The following CDH10 variants were observed in gnomAD, a reference collection of about 807,000 sequenced individuals.
CDH10 encodes the protein cadherin-10.
In CDH10, 30 loss-of-function variants were observed where a neutral mutation model predicts 73.1. That is an observed-to-expected ratio of 0.41 (90% confidence interval 0.31 to 0.56). The LOEUF is 0.56. Ranked by LOEUF, CDH10 falls within the 20% of genes least tolerant of loss-of-function variation. The pLI, the probability that CDH10 is intolerant of heterozygous loss-of-function variation, is 0.27. For synonymous variants in CDH10, 345 were observed against 348.2 expected (o/e 0.99, Z 0.10); for missense variants, 815 against 973.7 (o/e 0.84, Z 2.17).
At chr5:24,643,631 T>A (rs1309414412) in intron 1 of CDH10, among the ~76,000 whole-genome samples, 1 of 152,078 alleles carries the variant, frequency 6.6e-6, no homozygotes, top group South Asian at 2.1e-4. Context: ...AATGAAGGAA[T>A]GAAGGACCAC....
chr5:24,569,766 CTT>C (rs112375331), intron 2 of CDH10, among the ~76,000 whole-genome samples: 6 of 142,290 alleles, frequency 4.2e-5, no homozygotes, highest in East Asian at 2.0e-4. Context: ...CAAATGTGTG[CTT>C]TTTTTTTTTT....
intron 1 of CDH10, among the ~76,000 whole-genome samples, chr5:24,598,707 T>C (rs1746458218): frequency 6.6e-6 from 1 of 152,062 alleles, no homozygotes. Flanking sequence ...ATTGCTAGGA[T>C]TGTTATCAAT....
Position 24,593,294 on chromosome 5 carries a change from T to A in CDH10, c.197A>T (p.Glu66Val). ...GTACTGATAATCAGATCCTGTATAT[T>A]CTTCAAGTAAGAAAAATTGATTCCA... Reference protein sequence around the residue: ...WMWNQFFLLEEYTGSDYQYVG... With the variant: ...WMWNQFFLLEVYTGSDYQYVG... The change falls in exon 2 of 12, where the codon GAA becomes GTA. Residue 66 changes from glutamate (E) to valine (V), a missense_variant. Glu to Val is a moderately radical substitution (Grantham distance 121). Transcript: ENST00000264463. The A allele has an allele frequency of 1.9e-6, 3 of 1,611,146 alleles. No homozygotes were observed. The highest frequency in any genetic ancestry group is 2.5e-6 in the Non-Finnish European group (3 of 1,177,504).
chr5:24,520,507 C>T (rs1425096245), intron 5 of CDH10, among the ~76,000 whole-genome samples: 1 of 152,134 alleles, frequency 6.6e-6, no homozygotes, highest in South Asian at 2.1e-4. Flanking sequence ...TCCCCAACTC[C>T]GTCCCTTTCT....
intron 1 of CDH10, among the ~76,000 whole-genome samples, chr5:24,604,980 C>G (rs932424747): frequency 6.6e-6 from 1 of 151,354 alleles, no homozygotes; most frequent in African/African-American, 2.4e-5. Context: ...TTTTTTCATA[C>G]TGTATAAAGA....
intron 11 of CDH10, among the ~76,000 whole-genome samples, chr5:24,489,534 A>C (rs1195178718): frequency 6.6e-6 from 1 of 152,140 alleles, no homozygotes; most frequent in Non-Finnish European, 1.5e-5. Flanking sequence ...CAGATTATTT[A>C]TCATCAACCA....
chr5:24,545,941 A>T (rs1332654629), intron 2 of CDH10, among the ~76,000 whole-genome samples: 1 of 152,154 alleles, frequency 6.6e-6, no homozygotes, highest in Admixed American at 6.5e-5. Flanking sequence ...ACAATATTTG[A>T]AGGTCTGTGC....
intron 1 of CDH10, among the ~76,000 whole-genome samples, chr5:24,622,391 C>G (rs1747348698): frequency 6.6e-6 from 1 of 152,106 alleles, no homozygotes; most frequent in African/African-American, 2.4e-5. Flanking sequence ...GAAGAAGGGA[C>G]ATTTTCCTGG....
At position 24,608,763 on chromosome 5, in the gene CDH10, T is replaced by C. The variant is rs143679912; in HGVS notation, c.-123-15150A>G. On this transcript the variant is annotated intron_variant, in intron 1 of 11. Transcript: ENST00000264463. ...TTCACATGAACCAGATACTTTGCTA[T>C]ATAATGAGGATATAATGGCACAAGA... Among the ~76,000 whole-genome samples the C allele has an allele frequency of 3.6e-4, 55 of 152,352 alleles. 1 individual carries two copies. Among genetic ancestry groups the C allele is most frequent in the African/African-American group, 1.3e-3 (52 of 41,576 alleles).
chr5:24,495,477 G>A (rs1056569998), intron 9 of CDH10, among the ~76,000 whole-genome samples: 4 of 152,164 alleles, frequency 2.6e-5, no homozygotes, highest in African/African-American at 7.2e-5. Context: ...AACTGGTTAA[G>A]TTTTCATATG....
chr5:24,498,794 G>A (rs761820330), intron 8 of CDH10, among the ~76,000 whole-genome samples: 12 of 151,994 alleles, frequency 7.9e-5, no homozygotes, highest in South Asian at 2.1e-4. Flanking sequence ...CTATATTTGC[G>A]TCCTTATTGT....
intron 1 of CDH10, among the ~76,000 whole-genome samples, chr5:24,640,020 C>T: frequency 1.3e-5 from 2 of 151,798 alleles, no homozygotes; most frequent in South Asian, 4.2e-4. Flanking sequence ...AAAAGAGTTG[C>T]TTTCATTTAA....
In CDH10 at chr5:24,530,894, A is replaced by G. The variant is rs183927187; in HGVS notation, c.814+4218T>C. 8.5e-5 allele frequency among the ~76,000 whole-genome samples: 13 copies of G among 152,222 alleles called. No homozygotes were observed. In the East Asian group the frequency reaches 2.3e-3, roughly 27 times the overall value. The stretch of plus-strand genomic sequence containing the variant: ...TATACTTTAAAAACCATGAGACTAT[A>G]AAGATAACTTAGATCAGGCACACAG... On this transcript the variant is annotated intron_variant, in intron 5 of 11. Coordinates refer to ENST00000264463, the MANE Select transcript of CDH10 (RefSeq NM_006727.5).
rs182550034 is a variant in CDH10, at chr5:24,621,944, T to C, written c.-124+22650A>G. Among the ~76,000 whole-genome samples the C allele has an allele frequency of 2.6e-5, 4 of 152,264 alleles. No homozygotes were observed. In the East Asian group the frequency reaches 7.7e-4, roughly 29 times the overall value. ...ATGACCAGCCTAAAACTAGTATGAC[T>C]GGAGTGCTGTGAGTCCTGAGAGAAC... On this transcript the variant is annotated intron_variant, in intron 1 of 11. Transcript: ENST00000264463.
At chr5:24,552,511 A>T (rs1292215083) in intron 2 of CDH10, among the ~76,000 whole-genome samples, 1 of 151,926 alleles carries the variant, frequency 6.6e-6, no homozygotes, top group African/African-American at 2.4e-5. Flanking sequence ...TTTGTCTATT[A>T]TCCTATTGCT....
intron 1 of CDH10, among the ~76,000 whole-genome samples, chr5:24,616,528 G>T (rs2112157380): frequency 6.6e-6 from 1 of 151,944 alleles, no homozygotes; most frequent in South Asian, 2.1e-4. Context: ...CTCATACAAA[G>T]AAAAGGCTAT....
intron 2 of CDH10, among the ~76,000 whole-genome samples, chr5:24,546,983 C>T (rs887526389): frequency 2.6e-5 from 4 of 152,144 alleles, no homozygotes; most frequent in African/African-American, 7.2e-5. Flanking sequence ...TCAACAATTA[C>T]TCTATGTTAA....
intron 11 of CDH10, among the ~76,000 whole-genome samples, chr5:24,490,685 C>G (rs1000876966): frequency 6.6e-6 from 1 of 151,916 alleles, no homozygotes; most frequent in East Asian, 1.9e-4. Flanking sequence ...TTGTTGCAGG[C>G]CTTAACTTCA....
intron 2 of CDH10, among the ~76,000 whole-genome samples, chr5:24,577,033 T>G (rs1355611693): frequency 2.0e-5 from 3 of 148,662 alleles, no homozygotes; most frequent in Non-Finnish European, 4.5e-5. Context: ...AACTGAGAGA[T>G]ATTCTACAAA....
Sources: gnomAD v4.1 joint callset for allele counts (sites outside exome capture counted in the v4.1 genomes callset) on GRCh38, gnomAD v4.1.1 for gene constraint, MANE v1.5 for transcripts, NCBI Gene and HGNC (gene_info 2026-07-23, HGNC 2026-07-21) for gene names.